Variants in PARD3B observed in about 807,000 individuals in gnomAD.
The protein encoded by PARD3B is partitioning defective 3 homolog B.
PARD3B carries 103 observed loss-of-function variants against 130.2 expected under a neutral mutation model. The observed-to-expected ratio is 0.79, with a 90% CI of 0.67 to 0.93. PARD3B has a LOEUF of 0.93. PARD3B is among the 40% of genes least tolerant of loss of function. The pLI is 0.00. For synonymous variants in PARD3B, 583 were observed against 553.2 expected (o/e 1.05, Z -0.76); for missense variants, 1,609 against 1,499.2 (o/e 1.07, Z -1.21).
intron 19 of PARD3B, among the ~76,000 whole-genome samples, chr2:205,415,151 G>C (rs906448795): frequency 2.0e-5 from 3 of 152,090 alleles, no homozygotes; most frequent in African/African-American, 7.2e-5. Context: ...GGAAAAACAA[G>C]ATCATAGCTT....
At chr2:205,148,059 TATA>T (rs1376873942) in intron 10 of PARD3B, among the ~76,000 whole-genome samples, 1 of 152,064 alleles carries the variant, frequency 6.6e-6, no homozygotes, top group East Asian at 1.9e-4. Context: ...ATAGAGTATA[TATA>T]ATATTGTCTG....
chr2:205,086,784 A>T (rs1701767244), intron 4 of PARD3B, among the ~76,000 whole-genome samples: 1 of 152,148 alleles, frequency 6.6e-6, no homozygotes, highest in Non-Finnish European at 1.5e-5. Flanking sequence ...CTGTCAATTC[A>T]CCACTGGATG....
intron 3 of PARD3B, among the ~76,000 whole-genome samples, chr2:204,992,120 G>C (rs1201533642): frequency 6.6e-6 from 1 of 151,534 alleles, no homozygotes; most frequent in Non-Finnish European, 1.5e-5. Flanking sequence ...TGTTGCCATT[G>C]CTTTTGGTGT....
At chr2:204,599,842 A>G (rs923215546) in intron 1 of PARD3B, among the ~76,000 whole-genome samples, 41 of 151,746 alleles carry the variant, frequency 2.7e-4, no homozygotes, top group African/African-American at 9.7e-4. Context: ...CATCCTCACT[A>G]GCATTTTTTT....
intron 3 of PARD3B, among the ~76,000 whole-genome samples, chr2:205,019,237 T>G (rs1170112225): frequency 6.6e-6 from 1 of 152,168 alleles, no homozygotes; most frequent in African/African-American, 2.4e-5. Flanking sequence ...CATGTAATAC[T>G]GTATGTGGTG....
intron 22 of PARD3B, among the ~76,000 whole-genome samples, chr2:205,560,082 C>T (rs1032180059): frequency 2.0e-5 from 3 of 152,184 alleles, no homozygotes; most frequent in African/African-American, 4.8e-5. Context: ...TTGCCCAAGT[C>T]CAACAGCTAA....
intron 3 of PARD3B, among the ~76,000 whole-genome samples, chr2:205,028,449 G>T (rs7585163): frequency 0.52 from 78,454 of 151,860 alleles, 20,818 homozygotes; most frequent in African/African-American, 0.63. Context: ...TGAATTTATC[G>T]CAACATAACA....
chr2:204,690,474 G>T (rs1171296197), intron 2 of PARD3B, among the ~76,000 whole-genome samples: 1 of 152,136 alleles, frequency 6.6e-6, no homozygotes, highest in Non-Finnish European at 1.5e-5. Context: ...AATGAAAGAA[G>T]AAGGCAGGAG....
intron 1 of PARD3B, among the ~76,000 whole-genome samples, chr2:204,554,029 T>A (rs544901921): frequency 4.1e-4 from 62 of 152,090 alleles, no homozygotes; most frequent in African/African-American, 1.4e-3. Flanking sequence ...TGTTCCCCAA[T>A]AATTTATGGA....
chr2:204,567,299 C>T (rs900095265), intron 1 of PARD3B, among the ~76,000 whole-genome samples: 5 of 151,992 alleles, frequency 3.3e-5, no homozygotes, highest in South Asian at 2.1e-4. Flanking sequence ...GTGCAACTGT[C>T]GCCACCACCC....
chr2:205,254,821 C>T (rs1010856782), intron 16 of PARD3B, among the ~76,000 whole-genome samples: 2 of 151,222 alleles, frequency 1.3e-5, no homozygotes, highest in Admixed American at 6.6e-5. Flanking sequence ...CCCGCCACCT[C>T]GCCCGGCTAA....
intron 4 of PARD3B, among the ~76,000 whole-genome samples, chr2:205,073,401 A>G (rs969499118): frequency 3.3e-5 from 5 of 152,180 alleles, no homozygotes; most frequent in Admixed American, 6.5e-5. Flanking sequence ...ATTTGCTTTG[A>G]AGTAAGAAAC....
intron 1 of PARD3B, among the ~76,000 whole-genome samples, chr2:204,567,434 C>G (rs529513892): frequency 2.0e-5 from 3 of 152,288 alleles, no homozygotes; most frequent in South Asian, 4.1e-4. Context: ...TTTGACTACT[C>G]TAGATACCTC....
Position 205,550,085 on chromosome 2 carries a change from A to G in PARD3B, c.3181-3239A>G, listed in dbSNP as rs995241699. Among the ~76,000 whole-genome samples, 8 of 152,118 alleles carry G rather than the reference A, an allele frequency of 5.3e-5. No individual in the cohort carries two copies. The highest frequency in any genetic ancestry group is 2.6e-4 in the Admixed American group (4 of 15,266). ...TTTGCAAAATCTTCAAATTCCCTGA[A>G]GACACAGTGCTTTCGATATGCCTCC... On this transcript the variant is annotated intron_variant, in intron 21 of 22. Coordinates refer to ENST00000406610, the MANE Select transcript of PARD3B (RefSeq NM_001302769.2). This position sits in a 1 kb window ranked among gnomAD's most constrained non-coding sequence, Gnocchi z 4.5.
At chr2:204,929,229 T>C (rs1365390287) in intron 2 of PARD3B, among the ~76,000 whole-genome samples, 1 of 152,138 alleles carries the variant, frequency 6.6e-6, no homozygotes, top group Non-Finnish European at 1.5e-5. Context: ...ATATCATAGG[T>C]AAGCATGCTG....
At chr2:205,531,166 C>T (rs1332983413) in intron 21 of PARD3B, among the ~76,000 whole-genome samples, 1 of 152,138 alleles carries the variant, frequency 6.6e-6, no homozygotes, top group African/African-American at 2.4e-5. Flanking sequence ...ATAATTTATA[C>T]TAATTAGTCT....
intron 2 of PARD3B, among the ~76,000 whole-genome samples, chr2:204,804,183 C>A (rs1186106389): frequency 6.6e-6 from 1 of 152,062 alleles, no homozygotes; most frequent in African/African-American, 2.4e-5. Context: ...GAGCCAAAAT[C>A]ACACCATTAT....
chr2:205,221,040 G>T (rs781042146), intron 15 of PARD3B, among the ~76,000 whole-genome samples: 4 of 152,118 alleles, frequency 2.6e-5, no homozygotes, highest in Non-Finnish European at 5.9e-5. Flanking sequence ...TTAAGCAAGG[G>T]GCTATTATAA....
intron 14 of PARD3B, among the ~76,000 whole-genome samples, chr2:205,189,764 T>A (rs944423338): frequency 3.3e-5 from 5 of 152,194 alleles, no homozygotes; most frequent in Non-Finnish European, 5.9e-5. Context: ...TATGCCCACA[T>A]TGGCTCTAAT....
Sources: allele counts gnomAD v4.1 joint callset (sites outside exome capture counted in the v4.1 genomes callset), GRCh38; gene constraint gnomAD v4.1.1; non-coding constraint Gnocchi (gnomAD v3.1); transcripts MANE v1.5; gene names NCBI Gene and HGNC (gene_info 2026-07-23, HGNC 2026-07-21).